Variants in PARD3 observed in about 807,000 individuals in gnomAD.
The protein encoded by PARD3 is par-3 family cell polarity regulator.
PARD3 carries 75 observed loss-of-function variants against 155.4 expected under a neutral mutation model. The observed-to-expected ratio is 0.48, with a 90% confidence interval of 0.40 to 0.58. The LOEUF (loss-of-function observed/expected upper bound fraction) is 0.58, where lower values mean the gene tolerates loss of function less well. Among genes scored for constraint, PARD3 ranks in the 20% least tolerant of loss-of-function variants. The probability of loss-of-function intolerance (pLI) is 0.00; values close to 1 mark genes in which losing one functional copy is unlikely to be tolerated. For missense variants in PARD3, 1,642 were observed against 1,721.7 expected, an observed-to-expected ratio of 0.95 and a Z score of 0.82; for synonymous variants, 576 against 610.5, an observed-to-expected ratio of 0.94 and a Z score of 0.83.
At chr10:34,524,322 A>G (rs2082337139) in intron 2 of PARD3, among the ~76,000 whole-genome samples, 1 of 152,218 alleles carries the variant, frequency 6.6e-6, no homozygotes, top group South Asian at 2.1e-4. Flanking sequence ...CCATCCTTTA[A>G]GAAGAAAGTA....
At chr10:34,394,767 C>A (rs1843160591) in intron 7 of PARD3, among the ~76,000 whole-genome samples, 1 of 151,980 alleles carries the variant, frequency 6.6e-6, no homozygotes, top group South Asian at 2.1e-4. Context: ...TCTTAACCAC[C>A]ATCCAGGCCA....
At chr10:34,795,609 C>T (rs1842164509) in intron 1 of PARD3, among the ~76,000 whole-genome samples, 1 of 148,556 alleles carries the variant, frequency 6.7e-6, no homozygotes, top group African/African-American at 2.5e-5. Flanking sequence ...GACCCTGTCT[C>T]AAAAAAAAAC....
At chr10:34,322,650 T>C (rs1028925532) in intron 19 of PARD3, among the ~76,000 whole-genome samples, 1 of 152,172 alleles carries the variant, frequency 6.6e-6, no homozygotes, top group Admixed American at 6.5e-5. Flanking sequence ...TGGGTATAAA[T>C]AGAGATATAC....
At chr10:34,800,959 G>A (rs1425032889) in intron 1 of PARD3, among the ~76,000 whole-genome samples, 1 of 152,042 alleles carries the variant, frequency 6.6e-6, no homozygotes, top group East Asian at 1.9e-4. Flanking sequence ...AACAATGCAG[G>A]GCCAAAACTC....
chr10:34,425,149 T>C (rs1225894970), intron 5 of PARD3, among the ~76,000 whole-genome samples: 1 of 152,104 alleles, frequency 6.6e-6, no homozygotes, highest in East Asian at 1.9e-4. Flanking sequence ...ATAGCCTGCA[T>C]TTAGAATATT....
chr10:34,656,901 C>A (rs2093182957), intron 2 of PARD3, among the ~76,000 whole-genome samples: 1 of 152,196 alleles, frequency 6.6e-6, no homozygotes, highest in South Asian at 2.1e-4. Context: ...AAGCATCAAG[C>A]TAAGGCATGC....
intron 18 of PARD3, among the ~76,000 whole-genome samples, chr10:34,334,729 C>T (rs1324213194): frequency 1.6e-5 from 2 of 122,770 alleles, no homozygotes; most frequent in Admixed American, 8.8e-5. Context: ...ATAGACTGCA[C>T]AAAGTGCAAA....
chr10:34,739,514 G>A (rs551909700), intron 1 of PARD3, among the ~76,000 whole-genome samples: 1 of 152,266 alleles, frequency 6.6e-6, no homozygotes, highest in Admixed American at 6.5e-5. Flanking sequence ...TGGGAGAGAG[G>A]CGAGGGCAGG....
chr10:34,377,822 A>C, intron 10 of PARD3, 145 bp downstream of exon 10: 1 of 527,776 alleles, frequency 1.9e-6, no homozygotes, highest in Non-Finnish European at 3.1e-6. Flanking sequence ...TCTAAACATA[A>C]AACAGAAACA....
intron 7 of PARD3, among the ~76,000 whole-genome samples, chr10:34,393,087 T>C (rs1471181279): frequency 6.6e-6 from 1 of 151,324 alleles, no homozygotes; most frequent in Non-Finnish European, 1.5e-5. Flanking sequence ...TACAGAAAGT[T>C]TGTGAATCTT....
intron 1 of PARD3, among the ~76,000 whole-genome samples, chr10:34,724,313 C>T (rs117053055): frequency 0.013 from 1,916 of 152,118 alleles, 18 homozygotes; most frequent in Non-Finnish European, 0.02. Context: ...GCAAGTCATG[C>T]CCATTTTTAA....
intron 2 of PARD3, among the ~76,000 whole-genome samples, chr10:34,607,505 A>T (rs538500292): frequency 4.6e-5 from 7 of 152,308 alleles, no homozygotes. Context: ...AATGGATTTA[A>T]AAAAAGGGAT....
rs560554426 is a variant in PARD3 at position 34,716,749 on chromosome 10, C to A, written c.121-20330G>T. On this transcript the variant is annotated intron_variant, in intron 1 of 24. Transcript: ENST00000374788. ...CTGGGATTACAGGCATGCGCCACCA[C>A]CCCCGGCTAATTTTGTATTTTTAGT... Among the ~76,000 whole-genome samples, 23 of 151,854 alleles carry A rather than the reference C, an allele frequency of 1.5e-4. 2 individuals are homozygous for A. The highest frequency in any genetic ancestry group is 6.8e-3 in the Middle Eastern group (2 of 292).
At chr10:34,279,783 G>C (rs1956074579) in intron 21 of PARD3, among the ~76,000 whole-genome samples, 1 of 152,040 alleles carries the variant, frequency 6.6e-6, no homozygotes, top group Non-Finnish European at 1.5e-5. Context: ...GACACAGATA[G>C]TTCAACGGTC....
intron 3 of PARD3, among the ~76,000 whole-genome samples, chr10:34,480,813 T>TTC: frequency 7.3e-6 from 1 of 136,990 alleles, no homozygotes; most frequent in African/African-American, 3.4e-5. Flanking sequence ...TTTTTTTTTT[T>TTC]CTTTTTTGAG....
chr10:34,232,808 C>T (rs1953001754), intron 22 of PARD3, among the ~76,000 whole-genome samples: 1 of 152,036 alleles, frequency 6.6e-6, no homozygotes, highest in Non-Finnish European at 1.5e-5. Flanking sequence ...TCATGCAATT[C>T]TCCCATCTCA....
At position 34,134,065 on chromosome 10, in the gene PARD3, A is replaced by C. The variant is rs150651420; in HGVS notation, c.3420-2482T>G. 5.3e-5 allele frequency among the ~76,000 whole-genome samples: 8 copies of C among 152,354 alleles called. No individual in the cohort carries two copies. In the East Asian group the frequency reaches 1.5e-3, roughly 29 times the overall value. ...ACAAGGCTTCAGTCCACGTCACTTC[A>C]AAATGTCCCTCCACACTTTTGAGAC... On this transcript the variant is annotated intron_variant, in intron 22 of 24. Transcript: ENST00000374788.
At chr10:34,409,666 C>T (rs1196465840) in intron 5 of PARD3, among the ~76,000 whole-genome samples, 2 of 152,180 alleles carry the variant, frequency 1.3e-5, no homozygotes, top group African/African-American at 4.8e-5. Flanking sequence ...ACACTAGTGA[C>T]CAAGTGGCCA....
At position 34,181,501 on chromosome 10, in the gene PARD3, G is replaced by A. The variant is rs1950266823; in HGVS notation, c.3420-49918C>T. Among the ~76,000 whole-genome samples, 3 of 152,138 alleles carry A rather than the reference G, an allele frequency of 2.0e-5. No individual in the cohort carries two copies. In the South Asian group the frequency reaches 6.2e-4, roughly 32 times the overall value. ...ATATAAAGTGCTGTAGAAGAAATGA[G>A]TGAGAAAACATAAAGGATGCTTTCA... On this transcript the variant is annotated intron_variant, in intron 22 of 24. Coordinates refer to ENST00000374788, the MANE Select transcript of PARD3 (RefSeq NM_001184785.2).
Sources: allele counts gnomAD v4.1 joint callset (sites outside exome capture counted in the v4.1 genomes callset), GRCh38; gene constraint gnomAD v4.1.1; transcripts MANE v1.5; gene names NCBI Gene and HGNC (gene_info 2026-07-23, HGNC 2026-07-21).